Variants in SFRP1 observed in about 807,000 individuals in gnomAD.
SFRP1 encodes the protein secreted frizzled related protein 1, also known as secreted frizzled-related protein 1.
A neutral mutation model predicts 25.9 loss-of-function variants in SFRP1; 9 were observed. That is an observed-to-expected ratio of 0.35 (90% CI 0.21 to 0.61). The LOEUF is 0.61. SFRP1 is among the 20% of genes least tolerant of loss of function. SFRP1 has a pLI of 0.78. For synonymous variants in SFRP1, 178 were observed against 174.0 expected, an observed-to-expected ratio of 1.02 and a Z score of -0.18; for missense variants, 346 against 418.2, an observed-to-expected ratio of 0.83 and a Z score of 1.51.
In SFRP1 at chr8:41,265,120, G is replaced by GCCC; in HGVS notation, c.*46_*47insGGG. 1.2e-5 allele frequency: 2 copies of GCCC among 160,642 alleles called. No homozygotes were observed. The highest frequency in any genetic ancestry group is 9.9e-5 in the East Asian group (1 of 10,060). 10.0% of individuals were successfully genotyped at this position (160,642 alleles called of 1,614,324 possible). The stretch of plus-strand genomic sequence containing the variant: ...GGGTTCCCGGGGCACTGTCCCCCCC[G>GCCC]CTCCCACCCCACCCGAGGCTCCCTC... On this transcript the variant is annotated 3_prime_UTR_variant, in exon 3 of 3. Coordinates refer to ENST00000220772, the MANE Select transcript of SFRP1 (RefSeq NM_003012.5).
chr8:41,271,398 T>C (rs889574293), intron 2 of SFRP1: 13 of 154,666 alleles, frequency 8.4e-5, no homozygotes, highest in East Asian at 1.8e-4. Flanking sequence ...AAAAAAACTT[T>C]TCACTTTTTG....
chr8:41,281,281 C>G (rs554924683), intron 2 of SFRP1, among the ~76,000 whole-genome samples: 1 of 152,380 alleles, frequency 6.6e-6, no homozygotes, highest in African/African-American at 2.4e-5. Flanking sequence ...CACCAGCAAG[C>G]TTTGCCCTGT....
intron 2 of SFRP1, among the ~76,000 whole-genome samples, chr8:41,302,346 G>A (rs754670228): frequency 1.3e-5 from 2 of 152,150 alleles, no homozygotes; most frequent in Non-Finnish European, 2.9e-5. Context: ...GATTCCCTCC[G>A]ACTTGCATGT....
Position 41,262,702 on chromosome 8 carries a change from C to T in SFRP1, c.*2465G>A, listed in dbSNP as rs544053045. 5 of 152,164 alleles carry T rather than the reference C, an allele frequency of 3.3e-5. No individual in the cohort carries two copies. Among genetic ancestry groups the T allele is most frequent in the Non-Finnish European group, 4.4e-5 (3 of 68,044 alleles). 9.4% of individuals were successfully genotyped at this position (152,164 alleles called of 1,614,324 possible). A position where few individuals can be genotyped will look rare whatever the true frequency, so the allele number is the denominator to read the frequency against. ...GAAATCACAGGCAAACCTCCTCTCT[C>T]GGAGACCAATGACCAGGCCAATCAG... is the stretch of plus-strand genomic sequence containing the variant. On this transcript the variant is annotated 3_prime_UTR_variant, in exon 3 of 3. Transcript: ENST00000220772.
Position 41,308,595 on chromosome 8 carries a change from C to G in SFRP1, c.544+21G>C. 3 of 1,552,034 alleles carry G rather than the reference C, an allele frequency of 1.9e-6. No individual in the cohort carries two copies. In the East Asian group the frequency reaches 6.9e-5, roughly 36 times the overall value. On this transcript the variant is annotated intron_variant, in intron 1 of 2. Transcript: ENST00000220772. ...GGGGATGGAGGGGGCGGCTCGCGCA[C>G]GTGGGAGGAGGCAGCCTTACCTTGG... is the stretch of plus-strand genomic sequence containing the variant.
At position 41,309,309 on chromosome 8, in the gene SFRP1, C is replaced by G. The variant is rs1804042923; in HGVS notation, c.-150G>C. On this transcript the variant is annotated 5_prime_UTR_variant, in exon 1 of 3. Transcript: ENST00000220772. ...CCGCGGCCGCAAGCTGCTGCCCGGT[C>G]CCCCCGGCCAGTGGCGGCCCTCGGC... 5 of 963,302 alleles carry G rather than the reference C, an allele frequency of 5.2e-6. No individual in the cohort carries two copies. The highest frequency in any genetic ancestry group is 1.7e-5 in the African/African-American group (1 of 58,288). 59.7% of individuals were successfully genotyped at this position (963,302 alleles called of 1,614,324 possible). A position where few individuals can be genotyped will look rare whatever the true frequency, so the allele number is the denominator to read the frequency against.
intron 2 of SFRP1, among the ~76,000 whole-genome samples, chr8:41,268,011 T>C (rs1803457490): frequency 6.6e-6 from 1 of 152,174 alleles, no homozygotes; most frequent in South Asian, 2.1e-4. Context: ...AGAAACTGCA[T>C]TTGTGAAAGC....
intron 2 of SFRP1, among the ~76,000 whole-genome samples, chr8:41,301,152 G>A (rs1411268006): frequency 6.6e-6 from 1 of 152,228 alleles, no homozygotes; most frequent in Non-Finnish European, 1.5e-5. Context: ...TGCACCCCTT[G>A]TTCCCGGAGC....
chr8:41,270,474 A>G (rs1027395589), intron 2 of SFRP1, among the ~76,000 whole-genome samples: 1 of 152,194 alleles, frequency 6.6e-6, no homozygotes, highest in Non-Finnish European at 1.5e-5. Context: ...AGGGACAGAC[A>G]GGGATGCCAG....
At position 41,290,886 on chromosome 8, in the gene SFRP1, C is replaced by CTTTTTTTTTTTTTTTT. The variant is rs561965318; in HGVS notation, c.622+12559_622+12574dup. On this transcript the variant is annotated intron_variant, in intron 2 of 2. Coordinates refer to ENST00000220772, the MANE Select transcript of SFRP1 (RefSeq NM_003012.5). ...GTCTTCTTCTCCTCCTCTTCCTCGT[C>CTTTTTTTTTTTTTTTT]TTTTTTTTTTTTTTTTTTTTTTTTT... Among the ~76,000 whole-genome samples, 62 of 53,892 alleles carry CTTTTTTTTTTTTTTTT rather than the reference C, an allele frequency of 1.2e-3. 19 individuals are homozygous for CTTTTTTTTTTTTTTTT. Among genetic ancestry groups the CTTTTTTTTTTTTTTTT allele is most frequent in the Non-Finnish European group, 1.7e-3 (41 of 24,596 alleles). The allele number at this position is 53,892 out of a possible 152,430, so 35.4% of individuals were successfully genotyped here.
chr8:41,306,714 G>T (rs931894911), intron 1 of SFRP1: 5 of 1,597,590 alleles, frequency 3.1e-6, no homozygotes, highest in Non-Finnish European at 4.2e-6. Context: ...TCTTGGGAGG[G>T]TGACTACCTG....
At chr8:41,293,252 C>A (rs1043638091) in intron 2 of SFRP1, among the ~76,000 whole-genome samples, 1 of 152,230 alleles carries the variant, frequency 6.6e-6, no homozygotes, top group Non-Finnish European at 1.5e-5. Flanking sequence ...ACAGGTACAG[C>A]CTTGCTGGGA....
intron 2 of SFRP1, among the ~76,000 whole-genome samples, chr8:41,277,258 A>T (rs1000612128): frequency 3.6e-4 from 55 of 151,672 alleles, no homozygotes; most frequent in African/African-American, 1.3e-3. Context: ...GAGAGAAAGA[A>T]GAATAGGAGA....
At position 41,265,223 on chromosome 8, in the gene SFRP1, A is replaced by G; in HGVS notation, c.889T>C (p.Phe297Leu). The change falls in exon 3 of 3, where the codon TTC (phenylalanine) becomes CTC (leucine). Residue 297 changes from phenylalanine (F) to leucine (L), a missense_variant. Phe to Leu is a conservative substitution (Grantham distance 22). Transcript: ENST00000220772. Reference sequence around the variant, plus strand: ...TCATGGTTTTTCATTTTCTTCATGAAGTTTTTGAACTCCTTGTTTTTCTTG... The same window carrying G: ...TCATGGTTTTTCATTTTCTTCATGAGGTTTTTGAACTCCTTGTTTTTCTTG... ...WDKKNKEFKNFMKKMKNHECP... is the reference protein window; with the variant it reads ...WDKKNKEFKNLMKKMKNHECP... 1 of 1,611,266 alleles carries G rather than the reference A, an allele frequency of 6.2e-7. No homozygotes were observed. The highest frequency in any genetic ancestry group is 2.2e-5 in the East Asian group (1 of 44,682).
intron 1 of SFRP1, among the ~76,000 whole-genome samples, chr8:41,304,836 C>T (rs1304953211): frequency 2.6e-5 from 4 of 152,096 alleles, no homozygotes; most frequent in Non-Finnish European, 5.9e-5. Flanking sequence ...GAGACCCCAT[C>T]CTTAGTTTTT....
intron 2 of SFRP1, among the ~76,000 whole-genome samples, chr8:41,289,099 A>G (rs1803744485): frequency 6.6e-6 from 1 of 152,162 alleles, no homozygotes. Flanking sequence ...CCACCCTCTC[A>G]GGCACATAGC....
intron 2 of SFRP1, among the ~76,000 whole-genome samples, chr8:41,286,949 A>G (rs1803713266): frequency 6.6e-6 from 1 of 152,212 alleles, no homozygotes; most frequent in Non-Finnish European, 1.5e-5. Flanking sequence ...GCTGAAAAAG[A>G]GTCCTGTGGG....
chr8:41,300,982 T>A (rs750743900), intron 2 of SFRP1, among the ~76,000 whole-genome samples: 20 of 152,138 alleles, frequency 1.3e-4, no homozygotes, highest in Admixed American at 2.0e-4. Context: ...GCAGGTACAG[T>A]GCAGGGCTGG....
At chr8:41,295,472 T>C (rs560104209) in intron 2 of SFRP1, among the ~76,000 whole-genome samples, 1 of 150,452 alleles carries the variant, frequency 6.6e-6, no homozygotes, top group South Asian at 2.1e-4. Flanking sequence ...GAGGTTGCAA[T>C]GAGCTAAGAT....
Sources: gnomAD v4.1 joint callset for allele counts (sites outside exome capture counted in the v4.1 genomes callset) on GRCh38, gnomAD v4.1.1 for gene constraint, MANE v1.5 for transcripts, NCBI Gene and HGNC (gene_info 2026-07-23, HGNC 2026-07-21) for gene names.